Variants in CHLSN observed in about 807,000 individuals in gnomAD.
CHLSN encodes cholesin, also known as protein cholesin.
chr7:1,055,200 A>T, the CHLSN span: 41 of 468,768 alleles, frequency 8.7e-5, no homozygotes, highest in Non-Finnish European at 1.4e-4. Flanking sequence ...CGTTTCTGGA[A>T]CCCGGCTGTA....
chr7:1,133,284 T>G, the CHLSN span, among the ~76,000 whole-genome samples: 6 of 150,250 alleles, frequency 4.0e-5, no homozygotes, highest in Non-Finnish European at 7.4e-5. Context: ...ATAGGGCAAG[T>G]GGAGGGAAGA....
At chr7:983,358 G>A in the CHLSN span, 22 of 1,535,684 alleles carry the variant, frequency 1.4e-5, no homozygotes, top group African/African-American at 2.5e-4. Flanking sequence ...TGCTGCGTCT[G>A]TCGCAACAGG....
At chr7:1,098,888 C>T in the CHLSN span, among the ~76,000 whole-genome samples, 1 of 152,188 alleles carries the variant, frequency 6.6e-6, no homozygotes, top group Admixed American at 6.5e-5. Context: ...GTGAAGAAAA[C>T]GTTCTAAAAT....
the CHLSN span, among the ~76,000 whole-genome samples, chr7:1,136,605 A>AAC: frequency 1.4e-5 from 2 of 143,730 alleles, no homozygotes; most frequent in African/African-American, 2.5e-5. Context: ...AACATATATA[A>AAC]ATATATATAA....
chr7:1,088,876 C>A, the CHLSN span, among the ~76,000 whole-genome samples: 2 of 151,736 alleles, frequency 1.3e-5, no homozygotes, highest in Non-Finnish European at 2.9e-5. This position sits in a 1 kb window ranked among gnomAD's most constrained non-coding sequence, Gnocchi z 4.5. Flanking sequence ...CACCCAGGAC[C>A]ACATCAGACA....
chr7:1,081,238 C>G, the CHLSN span, among the ~76,000 whole-genome samples: 3 of 152,326 alleles, frequency 2.0e-5, no homozygotes, highest in South Asian at 6.2e-4. Flanking sequence ...TGGGGGTGAG[C>G]TAAGCACACC....
At chr7:1,099,289 G>A in the CHLSN span, among the ~76,000 whole-genome samples, 2 of 152,256 alleles carry the variant, frequency 1.3e-5, no homozygotes, top group African/African-American at 2.4e-5. Flanking sequence ...GGTCTCTGCA[G>A]ACCAATTCTG....
At chr7:1,055,953 AAGCCACGC>A in the CHLSN span, among the ~76,000 whole-genome samples, 1 of 152,214 alleles carries the variant, frequency 6.6e-6, no homozygotes, top group African/African-American at 2.4e-5. Context: ...GTGACAGCCA[AAGCCACGC>A]AGCCTCGCAG....
chr7:1,092,574 C>T, the CHLSN span: 1 of 1,610,910 alleles, frequency 6.2e-7, no homozygotes, highest in South Asian at 1.1e-5. Flanking sequence ...TCAGCGTGCA[C>T]CTCCTGCAGC....
chr7:1,016,538 G>C, the CHLSN span, among the ~76,000 whole-genome samples: 29 of 137,574 alleles, frequency 2.1e-4, 1 homozygote, highest in African/African-American at 6.9e-4. Context: ...CCAGCACAAA[G>C]CAGCGCACGC....
At chr7:1,074,585 A>G in the CHLSN span, 25,293 of 152,328 alleles carry the variant, frequency 0.17, 2,202 homozygotes, top group African/African-American at 0.19. Flanking sequence ...GGGGGCAAGG[A>G]AGCAGCGCTG....
At chr7:1,019,340 C>G in the CHLSN span, among the ~76,000 whole-genome samples, 1 of 151,938 alleles carries the variant, frequency 6.6e-6, no homozygotes, top group African/African-American at 2.4e-5. Context: ...CTGACAGGTC[C>G]GTGTTGTTCA....
the CHLSN span, among the ~76,000 whole-genome samples, chr7:1,082,600 G>A: frequency 3.3e-5 from 5 of 152,238 alleles, no homozygotes; most frequent in East Asian, 1.9e-4. Context: ...CCAGGCCACC[G>A]ATGGGCAGAG....
chr7:1,135,959 A>G, the CHLSN span, among the ~76,000 whole-genome samples: 31 of 95,528 alleles, frequency 3.2e-4, no homozygotes, highest in African/African-American at 1.5e-3. Flanking sequence ...ATATATATAA[A>G]TATATATAAG....
At chr7:1,049,021 G>A in the CHLSN span, among the ~76,000 whole-genome samples, 48 of 152,008 alleles carry the variant, frequency 3.2e-4, no homozygotes, top group African/African-American at 1.1e-3. Context: ...CAGTCTGAGC[G>A]TGCGCTCCCC....
chr7:1,024,193 C>A, the CHLSN span, among the ~76,000 whole-genome samples: 1 of 152,178 alleles, frequency 6.6e-6, no homozygotes, highest in African/African-American at 2.4e-5. Flanking sequence ...CGGTGCACAG[C>A]CCCCACTTTC....
chr7:983,874 CGGCACGG>C, the CHLSN span, among the ~76,000 whole-genome samples: 1 of 152,230 alleles, frequency 6.6e-6, no homozygotes, highest in Non-Finnish European at 1.5e-5. Context: ...TACGGGGACA[CGGCACGG>C]GGCAGCCTGA....
At chr7:1,083,679 C>T in the CHLSN span, among the ~76,000 whole-genome samples, 11 of 151,940 alleles carry the variant, frequency 7.2e-5, no homozygotes, top group African/African-American at 1.2e-4. Context: ...GAGGCGCAGA[C>T]GACGGGAGCA....
chr7:985,404 C>T, the CHLSN span: 1 of 1,442,130 alleles, frequency 6.9e-7, no homozygotes. Flanking sequence ...GGCCCCAGTG[C>T]TGTCCCCTCT....
Sources: gnomAD v4.1 joint callset for allele counts (sites outside exome capture counted in the v4.1 genomes callset) on GRCh38, gnomAD v4.1.1 for gene constraint, Gnocchi (gnomAD v3.1) non-coding constraint, MANE v1.5 for transcripts, NCBI Gene and HGNC (gene_info 2026-07-23, HGNC 2026-07-21) for gene names.